SLC8A1: variants seen among roughly 807,000 people sequenced by gnomAD.
The protein encoded by SLC8A1 is solute carrier family 8 member A1.
In SLC8A1, 18 loss-of-function variants were observed where a neutral mutation model predicts 68.3. That is an observed-to-expected ratio of 0.26 (90% CI 0.18 to 0.39). The LOEUF is 0.39. Ranked by LOEUF, SLC8A1 falls within the 10% of genes least tolerant of loss-of-function variation. The pLI, the probability that SLC8A1 is intolerant of heterozygous loss-of-function variation, is 1.00. For synonymous variants in SLC8A1, 475 were observed against 415.5 expected, an observed-to-expected ratio of 1.14 and a Z score of -1.74; for missense variants, 985 against 1,156.7, an observed-to-expected ratio of 0.85 and a Z score of 2.15.
chr2:40,120,909 C>A (rs779850526), intron 7 of SLC8A1: 4 of 152,186 alleles, frequency 2.6e-5, no homozygotes, highest in Non-Finnish European at 4.4e-5. Flanking sequence ...AAGGCTGTGT[C>A]TAGTGTTAAT....
At chr2:40,427,486 G>T (rs1200207608) in intron 2 of SLC8A1, among the ~76,000 whole-genome samples, 1 of 151,796 alleles carries the variant, frequency 6.6e-6, no homozygotes, top group East Asian at 1.9e-4. Flanking sequence ...AGATATTATA[G>T]TCAGCCTCCC....
chr2:40,260,863 A>G (rs1208689557), intron 2 of SLC8A1, among the ~76,000 whole-genome samples: 1 of 152,080 alleles, frequency 6.6e-6, no homozygotes, highest in Non-Finnish European at 1.5e-5. Flanking sequence ...GTCCGACCTA[A>G]GAGTGTGTGG....
intron 7 of SLC8A1, chr2:40,117,001 A>T (rs2035583528): frequency 6.6e-6 from 1 of 152,238 alleles, no homozygotes; most frequent in Non-Finnish European, 1.5e-5. Flanking sequence ...AATCTGTTAA[A>T]TGGGGATGGT....
intron 2 of SLC8A1, among the ~76,000 whole-genome samples, chr2:40,300,472 T>C (rs1052921630): frequency 1.4e-4 from 21 of 152,202 alleles, no homozygotes; most frequent in African/African-American, 5.1e-4. Flanking sequence ...CTACATTTCT[T>C]ATTTGTTTCG....
rs149205742 is a variant in SLC8A1, at chr2:40,424,995, TTACC to T, written c.1808+3474_1808+3477del. ...TAACAGCACTTCAAATGTGTAGATA[TTACC>T]TACCAAACCACAAATCAAATTAGCA... is the stretch of plus-strand genomic sequence containing the variant. On this transcript the variant is annotated intron_variant, in intron 2 of 7. Transcript: ENST00000406785. Among the ~76,000 whole-genome samples, 1,266 of 151,942 alleles carry T rather than the reference TTACC, an allele frequency of 8.3e-3. 4 individuals carry two copies. Among genetic ancestry groups the T allele is most frequent in the Middle Eastern group, 0.034 (10 of 294 alleles).
At chr2:40,277,820 ATATATATATATT>A (rs2066959498) in intron 2 of SLC8A1, among the ~76,000 whole-genome samples, 1 of 136,592 alleles carries the variant, frequency 7.3e-6, no homozygotes, top group African/African-American at 2.7e-5. Flanking sequence ...ATATATATAT[ATATATATATATT>A]TGTAACATAT....
chr2:40,350,981 C>G (rs923151845), intron 2 of SLC8A1, among the ~76,000 whole-genome samples: 2 of 152,060 alleles, frequency 1.3e-5, no homozygotes, highest in Non-Finnish European at 2.9e-5. Context: ...ATGACGGCAG[C>G]TCTGTCTAAA....
At chr2:40,222,489 C>A (rs2058461972) in intron 2 of SLC8A1, among the ~76,000 whole-genome samples, 2 of 152,158 alleles carry the variant, frequency 1.3e-5, no homozygotes, top group Non-Finnish European at 1.5e-5. Context: ...GACTAAAACA[C>A]TAAAAGCAAT....
intron 1 of SLC8A1, among the ~76,000 whole-genome samples, chr2:40,511,712 T>G (rs1706736779): frequency 6.6e-6 from 1 of 152,134 alleles, no homozygotes; most frequent in African/African-American, 2.4e-5. Context: ...AGACAAAATT[T>G]TAAAGGTGCT....
chr2:40,434,995 C>T (rs1699110325), intron 1 of SLC8A1, among the ~76,000 whole-genome samples: 1 of 152,114 alleles, frequency 6.6e-6, no homozygotes. Flanking sequence ...GTGACCATTC[C>T]CTGCTGGAAG....
chr2:40,498,490 T>C (rs1280879153), intron 1 of SLC8A1, among the ~76,000 whole-genome samples: 1 of 152,136 alleles, frequency 6.6e-6, no homozygotes, highest in African/African-American at 2.4e-5. Context: ...TCATAAGCTT[T>C]AGGGATCTAA....
At chr2:40,454,602 C>T (rs4952625), upstream of SLC8A1, among the ~76,000 whole-genome samples, 3 of 148,630 alleles carry the variant, frequency 2.0e-5, no homozygotes, top group East Asian at 2.0e-4. Flanking sequence ...GGGAAAAAAA[C>T]AATATTAAAT....
intron 2 of SLC8A1, among the ~76,000 whole-genome samples, chr2:40,351,598 A>AT (rs1671112841): frequency 6.6e-6 from 1 of 151,980 alleles, no homozygotes; most frequent in Non-Finnish European, 1.5e-5. Flanking sequence ...AAAAAAAAAA[A>AT]AGTTGGAAAA....
chr2:40,426,891 G>C (rs965006385), intron 2 of SLC8A1, among the ~76,000 whole-genome samples: 2 of 151,770 alleles, frequency 1.3e-5, no homozygotes, highest in African/African-American at 4.8e-5. Flanking sequence ...TCCTAGCAAA[G>C]GAATAAAGTT....
exon 2 of SLC8A1, chr2:40,428,478 T>G: frequency 6.3e-7 from 1 of 1,584,900 alleles, no homozygotes; most frequent in East Asian, 2.2e-5. Flanking sequence ...CTTACACAAT[T>G]TCATCATTCT....
intron 4 of SLC8A1, among the ~76,000 whole-genome samples, chr2:40,172,173 C>T (rs1462184737): frequency 2.6e-5 from 4 of 152,234 alleles, no homozygotes; most frequent in East Asian, 1.9e-4. Flanking sequence ...AGCTGCTTTT[C>T]GCTGTAGACC....
chr2:40,478,674 A>G (rs1381783503), intron 1 of SLC8A1, among the ~76,000 whole-genome samples: 1 of 152,118 alleles, frequency 6.6e-6, no homozygotes, highest in East Asian at 1.9e-4. Context: ...CATAGACCTA[A>G]GTTTTTAATT....
intron 1 of SLC8A1, among the ~76,000 whole-genome samples, chr2:40,505,793 T>C (rs1706332381): frequency 6.6e-6 from 1 of 152,020 alleles, no homozygotes; most frequent in South Asian, 2.1e-4. Context: ...ATAGGCATTC[T>C]GTAAGTTAGG....
chr2:40,397,685 A>G (rs1333214935), intron 2 of SLC8A1, among the ~76,000 whole-genome samples: 1 of 152,220 alleles, frequency 6.6e-6, no homozygotes, highest in Non-Finnish European at 1.5e-5. Flanking sequence ...CTACCCTGAG[A>G]CAAGTGGCAC....
Sources: gnomAD v4.1 joint callset for allele counts (sites outside exome capture counted in the v4.1 genomes callset) on GRCh38, gnomAD v4.1.1 for gene constraint, MANE v1.5 for transcripts, NCBI Gene and HGNC (gene_info 2026-07-23, HGNC 2026-07-21) for gene names.